Variants in USH2A observed in about 807,000 individuals in gnomAD.
USH2A encodes the protein usherin, also known as Usher syndrome 2A (autosomal recessive, mild).
A neutral mutation model predicts 538.9 loss-of-function variants in USH2A; 443 were observed. The ratio of observed to expected loss-of-function variants is 0.82; its 90% CI spans 0.76 to 0.89. USH2A has a LOEUF of 0.89. USH2A is among the 40% of genes least tolerant of loss of function. The probability of loss-of-function intolerance (pLI) is 0.00; values close to 1 mark genes in which losing one functional copy is unlikely to be tolerated. For missense variants in USH2A, 6,633 were observed against 6,324.8 expected (o/e 1.05, Z -1.65); for synonymous variants, 2,413 against 2,273.5 (o/e 1.06, Z -1.75).
chr1:215,674,348 A>G lies in USH2A; in HGVS notation c.13563T>C (p.Pro4521=), dbSNP rs139701970. 5.1e-5 allele frequency: 82 copies of G among 1,613,822 alleles called. No individual in the cohort carries two copies. The African/African-American group carries it at 8.0e-4, about 16-fold the overall frequency. The change falls in exon 63 of 72, where the codon CCT becomes CCC. Residue 4521 remains proline, a synonymous_variant. Transcript: ENST00000307340. ...ASNSQGGILS[P]LVKDRTSPSA... Reference sequence around the variant, plus strand: ...AGGGGCTGGTTCGATCTTTGACAAGAGGACTCAAAATACCCCCTTGGCTGT... The same window carrying G: ...AGGGGCTGGTTCGATCTTTGACAAGGGGACTCAAAATACCCCCTTGGCTGT...
intron 49 of USH2A, among the ~76,000 whole-genome samples, chr1:215,813,362 T>C (rs1558109978): frequency 6.6e-6 from 1 of 152,088 alleles, no homozygotes. Flanking sequence ...TAGTTCAGAT[T>C]AGAAATGGAG....
intron 4 of USH2A, among the ~76,000 whole-genome samples, chr1:216,334,376 C>T (rs2037930690): frequency 6.6e-6 from 1 of 151,830 alleles, no homozygotes; most frequent in South Asian, 2.1e-4. Context: ...TAGAAGATAA[C>T]TTTTTAACCC....
intron 32 of USH2A, among the ~76,000 whole-genome samples, chr1:216,031,034 C>T (rs905494058): frequency 2.0e-5 from 3 of 151,850 alleles, no homozygotes; most frequent in Non-Finnish European, 4.4e-5. Flanking sequence ...CCTAATATCC[C>T]TGATATCTGT....
chr1:216,111,530 G>GA (rs757973685), intron 21 of USH2A, among the ~76,000 whole-genome samples: 3 of 151,686 alleles, frequency 2.0e-5, no homozygotes, highest in Non-Finnish European at 2.9e-5. Context: ...ATATTCAACA[G>GA]AAAATTCCAA....
chr1:216,094,060 GT>G (rs200517171), intron 22 of USH2A, among the ~76,000 whole-genome samples: 2 of 152,118 alleles, frequency 1.3e-5, no homozygotes, highest in South Asian at 2.1e-4. Flanking sequence ...CCTGTGATTA[GT>G]TTTTTTTCCA....
At chr1:215,991,306 A>G (rs1182727265) in intron 35 of USH2A, among the ~76,000 whole-genome samples, 1 of 152,148 alleles carries the variant, frequency 6.6e-6, no homozygotes. Flanking sequence ...CCAGACTAAA[A>G]AATTTAGACT....
At chr1:216,385,067 G>A (rs1181558305) in intron 3 of USH2A, among the ~76,000 whole-genome samples, 2 of 152,170 alleles carry the variant, frequency 1.3e-5, no homozygotes, top group African/African-American at 2.4e-5. Flanking sequence ...GGTGTCAGCA[G>A]CTGCAAAAAT....
At chr1:216,309,818 C>T (rs1449817918) in intron 9 of USH2A, among the ~76,000 whole-genome samples, 1 of 152,060 alleles carries the variant, frequency 6.6e-6, no homozygotes, top group Non-Finnish European at 1.5e-5. Flanking sequence ...AATTTTTCCC[C>T]TTTAGCCTGT....
intron 38 of USH2A, among the ~76,000 whole-genome samples, chr1:215,917,015 G>A (rs1197995264): frequency 6.6e-6 from 1 of 152,080 alleles, no homozygotes; most frequent in Non-Finnish European, 1.5e-5. Flanking sequence ...AGCTCACTGT[G>A]CTCAGAGAAA....
intron 11 of USH2A, among the ~76,000 whole-genome samples, chr1:216,285,310 A>T (rs998270115): frequency 8.5e-5 from 13 of 152,230 alleles, no homozygotes; most frequent in African/African-American, 2.9e-4. Flanking sequence ...AAAGGGATCA[A>T]CATACAGCTC....
chr1:216,390,237 G>A (rs1163498045), intron 3 of USH2A, among the ~76,000 whole-genome samples: 1 of 152,144 alleles, frequency 6.6e-6, no homozygotes, highest in East Asian at 1.9e-4. Flanking sequence ...TTAGGCTGAT[G>A]CAAACAAAAC....
chr1:216,264,102 G>T (rs375687506), intron 11 of USH2A, among the ~76,000 whole-genome samples: 12 of 152,034 alleles, frequency 7.9e-5, no homozygotes, highest in East Asian at 3.9e-4. Flanking sequence ...AGAAATTAAA[G>T]AGGACACATA....
chr1:215,894,283 C>T (rs899588710), intron 40 of USH2A, among the ~76,000 whole-genome samples: 4 of 151,970 alleles, frequency 2.6e-5, no homozygotes, highest in Admixed American at 6.6e-5. Context: ...CCTTGTGTTG[C>T]GTAGAATGAT....
intron 61 of USH2A, among the ~76,000 whole-genome samples, chr1:215,704,979 C>T (rs1034310826): frequency 6.6e-6 from 1 of 152,152 alleles, no homozygotes; most frequent in Non-Finnish European, 1.5e-5. Context: ...CATATGGGTG[C>T]TCTATAGATG....
rs113024239 is a variant in USH2A, at chr1:215,801,745, A to G, written c.9740-2620T>C. On this transcript the variant is annotated intron_variant, in intron 49 of 71. Coordinates refer to ENST00000307340, the MANE Select transcript of USH2A (RefSeq NM_206933.4). ...CAATTCAATCCCTATCAAAATCCCA[A>G]TGCTTTTTGCAGAAGCAGAAGAAGC... Among the ~76,000 whole-genome samples, 1,495 of 152,208 alleles carry G rather than the reference A, an allele frequency of 9.8e-3. 22 individuals carry two copies. The highest frequency in any genetic ancestry group is 0.034 in the African/African-American group (1,418 of 41,552).
chr1:215,877,284 A>G (rs1057096389), intron 43 of USH2A, among the ~76,000 whole-genome samples: 4 of 152,188 alleles, frequency 2.6e-5, no homozygotes, highest in African/African-American at 7.2e-5. Flanking sequence ...TTTGAACTCT[A>G]GATTGAATTC....
intron 30 of USH2A, among the ~76,000 whole-genome samples, chr1:216,057,426 C>G (rs1419783692): frequency 6.6e-6 from 1 of 152,106 alleles, no homozygotes; most frequent in African/African-American, 2.4e-5. Context: ...GAGGCTGAAG[C>G]AGGTGGATCA....
At chr1:216,116,171 T>G (rs1044165629) in intron 21 of USH2A, among the ~76,000 whole-genome samples, 14 of 151,906 alleles carry the variant, frequency 9.2e-5, no homozygotes, top group African/African-American at 3.4e-4. Flanking sequence ...ATACCTCAAA[T>G]AAGATCCAGG....
chr1:215,623,570 A>G lies in USH2A; in HGVS notation c.*2211T>C, dbSNP rs1655882072. 6.6e-6 allele frequency: 1 copy of G among 152,126 alleles called. No homozygotes were observed. The highest frequency in any genetic ancestry group is 1.5e-5 in the Non-Finnish European group (1 of 68,008). The allele number at this position is 152,126 out of a possible 1,614,324, so 9.4% of individuals were successfully genotyped here. The stretch of plus-strand genomic sequence containing the variant: ...CAACATCTTAGAGTTCTTCTCTGAA[A>G]TAAATACAAGTAAACTTAGACATGT... On this transcript the variant is annotated 3_prime_UTR_variant, in exon 72 of 72. Transcript: ENST00000307340.
Sources: allele counts gnomAD v4.1 joint callset (sites outside exome capture counted in the v4.1 genomes callset), GRCh38; gene constraint gnomAD v4.1.1; transcripts MANE v1.5; gene names NCBI Gene and HGNC (gene_info 2026-07-23, HGNC 2026-07-21).